Variants in CPNE8 observed in about 807,000 individuals in gnomAD.
CPNE8 encodes copine 8, also known as copine-8.
In CPNE8, 45 loss-of-function variants were observed where a neutral mutation model predicts 81.5. That is an observed-to-expected ratio of 0.55 (90% CI 0.44 to 0.71). The LOEUF is 0.71. Among genes scored for constraint, CPNE8 ranks in the 30% least tolerant of loss-of-function variants. The probability of loss-of-function intolerance (pLI) is 0.00; values close to 1 mark genes in which losing one functional copy is unlikely to be tolerated. For synonymous variants in CPNE8, 252 were observed against 226.3 expected, an observed-to-expected ratio of 1.11 and a Z score of -1.02; for missense variants, 594 against 672.1, an observed-to-expected ratio of 0.88 and a Z score of 1.28.
intron 6 of CPNE8, among the ~76,000 whole-genome samples, chr12:38,803,440 T>G (rs972190222): frequency 2.0e-5 from 3 of 150,538 alleles, no homozygotes; most frequent in African/African-American, 7.3e-5. Context: ...AGAAAAAGCC[T>G]TTGACAAAAT....
At chr12:38,698,426 T>A (rs934302513) in intron 14 of CPNE8, among the ~76,000 whole-genome samples, 5 of 152,184 alleles carry the variant, frequency 3.3e-5, no homozygotes, top group Admixed American at 3.3e-4. Context: ...TTTACCTATT[T>A]TGTTGTTGTT....
intron 19 of CPNE8, among the ~76,000 whole-genome samples, chr12:38,663,903 T>C (rs1352399209): frequency 6.6e-6 from 1 of 152,070 alleles, no homozygotes; most frequent in Non-Finnish European, 1.5e-5. Context: ...TTCTCCCTCA[T>C]ATGTGTAAGC....
At chr12:38,763,245 G>T (rs960214816) in intron 8 of CPNE8, among the ~76,000 whole-genome samples, 1 of 152,188 alleles carries the variant, frequency 6.6e-6, no homozygotes, top group African/African-American at 2.4e-5. Flanking sequence ...CAGTCATTCT[G>T]CAAGAACATT....
chr12:38,767,524 C>A, intron 8 of CPNE8, 111 bp downstream of exon 8: 1 of 620,888 alleles, frequency 1.6e-6, no homozygotes, highest in Admixed American at 3.8e-5. Context: ...TTTTTAAAAT[C>A]TCAAACTATT....
chr12:38,864,057 C>CACAAAAAAAAAAAA (rs1555168919), intron 3 of CPNE8, among the ~76,000 whole-genome samples: 1 of 89,910 alleles, frequency 1.1e-5, no homozygotes, highest in Non-Finnish European at 2.1e-5. Flanking sequence ...TCATCTCTCA[C>CACAAAAAAAAAAAA]AAAAAAAAAA....
At chr12:38,782,514 A>G (rs1447282647) in intron 6 of CPNE8, among the ~76,000 whole-genome samples, 4 of 152,180 alleles carry the variant, frequency 2.6e-5, no homozygotes, top group Admixed American at 6.5e-5. Context: ...GAAAGAGGGC[A>G]TAATTTTTCC....
At chr12:38,670,406 TTAAG>T (rs1939148855) in intron 19 of CPNE8, among the ~76,000 whole-genome samples, 1 of 152,158 alleles carries the variant, frequency 6.6e-6, no homozygotes, top group Non-Finnish European at 1.5e-5. Context: ...TACGCTTTAC[TTAAG>T]TATTTTTCTT....
chr12:38,794,737 C>A (rs1049314931), intron 6 of CPNE8, among the ~76,000 whole-genome samples: 1 of 151,502 alleles, frequency 6.6e-6, no homozygotes, highest in Non-Finnish European at 1.5e-5. Context: ...TAAAACAGTG[C>A]AATTGCTATA....
chr12:38,741,168 T>C (rs1375132695), intron 10 of CPNE8, among the ~76,000 whole-genome samples: 1 of 152,098 alleles, frequency 6.6e-6, no homozygotes, highest in Non-Finnish European at 1.5e-5. Context: ...CTTCACAGAA[T>C]TGGAAAAAAC....
In CPNE8 at chr12:38,743,978, A is replaced by G. The variant is rs537547196; in HGVS notation, c.723-13620T>C. Among the ~76,000 whole-genome samples, 194 of 152,266 alleles carry G rather than the reference A, an allele frequency of 1.3e-3. 1 individual carries two copies. The highest frequency in any genetic ancestry group is 4.4e-3 in the African/African-American group (183 of 41,566). On this transcript the variant is annotated intron_variant, in intron 10 of 19. Transcript: ENST00000331366. ...TATAAAATTTTCCTTTCCAGGCATGATTTGACTATGACATGAATAAATAGC... is the reference window on the plus strand; with the variant it reads ...TATAAAATTTTCCTTTCCAGGCATGGTTTGACTATGACATGAATAAATAGC...
intron 4 of CPNE8, among the ~76,000 whole-genome samples, chr12:38,843,633 T>A (rs1943508263): frequency 6.6e-6 from 1 of 152,056 alleles, no homozygotes; most frequent in African/African-American, 2.4e-5. Context: ...CACTAGGAAG[T>A]TCTAGAAAGT....
At chr12:38,679,820 T>C (rs1039204341) in intron 16 of CPNE8, 5 of 406,952 alleles carry the variant, frequency 1.2e-5, no homozygotes, top group African/African-American at 2.2e-5. Flanking sequence ...AAATATTATA[T>C]ATTTAAGATA....
intron 1 of CPNE8, among the ~76,000 whole-genome samples, chr12:38,885,646 T>A (rs919715296): frequency 8.5e-5 from 13 of 152,126 alleles, no homozygotes; most frequent in South Asian, 2.1e-4. Flanking sequence ...CTTTTTTTTT[T>A]AACTGCTTCC....
At chr12:38,831,911 A>G (rs1244904801) in intron 5 of CPNE8, among the ~76,000 whole-genome samples, 1 of 152,228 alleles carries the variant, frequency 6.6e-6, no homozygotes, top group East Asian at 1.9e-4. Context: ...GACTTTGCCA[A>G]TGGAGTAGCG....
chr12:38,653,658 C>G lies in CPNE8; in HGVS notation c.*224G>C. 3.8e-6 allele frequency: 1 copy of G among 261,266 alleles called. No homozygotes were observed. Among genetic ancestry groups the G allele is most frequent in the Non-Finnish European group, 7.4e-6 (1 of 136,052 alleles). The allele number at this position is 261,266 out of a possible 1,614,324, so 16.2% of individuals were successfully genotyped here. The stretch of plus-strand genomic sequence containing the variant: ...GAAAGATTTAGAGAAGACATCCATA[C>G]TTTGCTTCAAGCATTTAAACAATTT... On this transcript the variant is annotated 3_prime_UTR_variant, in exon 20 of 20. Coordinates refer to ENST00000331366, the MANE Select transcript of CPNE8 (RefSeq NM_153634.3).
intron 15 of CPNE8, among the ~76,000 whole-genome samples, chr12:38,689,788 A>G (rs1939629516): frequency 6.6e-6 from 1 of 152,248 alleles, no homozygotes; most frequent in African/African-American, 2.4e-5. Flanking sequence ...ACCACTGGCC[A>G]CAAGCTCATT....
At chr12:38,739,943 A>G (rs979782696) in intron 10 of CPNE8, among the ~76,000 whole-genome samples, 1 of 152,182 alleles carries the variant, frequency 6.6e-6, no homozygotes, top group African/African-American at 2.4e-5. Context: ...CTTTCTACAT[A>G]TGTAATATCT....
At chr12:38,766,080 G>A (rs573576799) in intron 8 of CPNE8, among the ~76,000 whole-genome samples, 2 of 152,160 alleles carry the variant, frequency 1.3e-5, no homozygotes, top group East Asian at 1.9e-4. Context: ...GGATGGTCTC[G>A]ATCTCTTGAC....
At chr12:38,743,146 T>C (rs1941148204) in intron 10 of CPNE8, among the ~76,000 whole-genome samples, 1 of 152,074 alleles carries the variant, frequency 6.6e-6, no homozygotes, top group African/African-American at 2.4e-5. Flanking sequence ...CATAGAATTA[T>C]ATCAAAAAAG....
Sources: allele counts gnomAD v4.1 joint callset (sites outside exome capture counted in the v4.1 genomes callset), GRCh38; gene constraint gnomAD v4.1.1; transcripts MANE v1.5; gene names NCBI Gene and HGNC (gene_info 2026-07-23, HGNC 2026-07-21).